PCDHB4: variants seen among roughly 807,000 people sequenced by gnomAD.
The protein encoded by PCDHB4 is protocadherin beta 4.
For missense variants in PCDHB4, 1,063 were observed against 1,007.0 expected (o/e 1.06, Z -0.75); for synonymous variants, 482 against 447.3 (o/e 1.08, Z -0.98).
chr5:141,123,794 C>A lies in PCDHB4; in HGVS notation c.1796C>A (p.Ala599Asp), dbSNP rs201831926. 18 of 1,609,914 alleles carry A rather than the reference C, an allele frequency of 1.1e-5. No individual in the cohort carries two copies. Among genetic ancestry groups the A allele is most frequent in the Non-Finnish European group, 2.5e-6 (3 of 1,179,694 alleles). ...GTGGACGGCGACTCGGGCCAGAACG[C>A]CTGGCTGTCGTACCAGCTGCTCAAG... ...VAVDGDSGQN[A>D]WLSYQLLKAT... Residue 599 changes from alanine (A) to aspartate (D), a missense_variant, in exon 1 of 1, where the codon GCC (alanine) becomes GAC (aspartate). Ala to Asp is a moderately radical substitution (Grantham distance 126). Coordinates refer to ENST00000194152, the MANE Select transcript of PCDHB4 (RefSeq NM_018938.4).
chr5:141,124,004 A>G lies in PCDHB4; in HGVS notation c.2006A>G (p.Tyr669Cys), dbSNP rs566976169. 1 of 1,604,010 alleles carries G rather than the reference A, an allele frequency of 6.2e-7. No individual in the cohort carries two copies. The highest frequency in any genetic ancestry group is 8.5e-7 in the Non-Finnish European group (1 of 1,179,648). The change falls in exon 1 of 1, where the codon TAC becomes TGC. Residue 669 changes from tyrosine to cysteine, a missense_variant. Coordinates refer to ENST00000194152, the MANE Select transcript of PCDHB4 (RefSeq NM_018938.4). ...VLLVDGFSQPYLPLPEAAPAQ... is the reference protein window; with the variant it reads ...VLLVDGFSQPCLPLPEAAPAQ... ...CTGGTGGATGGCTTCTCCCAGCCCT[A>G]CCTGCCTCTCCCTGAGGCGGCCCCG...
At position 141,124,293 on chromosome 5, in the gene PCDHB4, C is replaced by G; in HGVS notation, c.2295C>G (p.Phe765Leu). ...ACTCTGGGACTGGTGAGTTCAAGTT[C>G]CTGAAGCCAATATTTCCTAATCTCT... ...TGDSGTGEFKFLKPIFPNLLV... is the reference protein window; with the variant it reads ...TGDSGTGEFKLLKPIFPNLLV... The change falls in exon 1 of 1, where the codon TTC becomes TTG. Residue 765 changes from phenylalanine (F) to leucine (L), a missense_variant. Transcript: ENST00000194152. 1 of 1,614,160 alleles carries G rather than the reference C, an allele frequency of 6.2e-7. No individual in the cohort carries two copies. Among genetic ancestry groups the G allele is most frequent in the African/African-American group, 1.3e-5 (1 of 75,060 alleles).
At position 141,122,874 on chromosome 5, in the gene PCDHB4, A is replaced by G; in HGVS notation, c.876A>G (p.Ser292=). 1 of 1,613,678 alleles carries G rather than the reference A, an allele frequency of 6.2e-7. No individual in the cohort carries two copies. The highest frequency in any genetic ancestry group is 8.5e-7 in the Non-Finnish European group (1 of 1,179,906). Residue 292 remains serine, a synonymous_variant, in exon 1 of 1, where the codon TCA becomes TCG. Transcript: ENST00000194152. ...QASDEIKQTF[S]INEVTGEILL... ...CAGATGAAATTAAACAAACTTTCTC[A>G]ATAAATGAAGTCACGGGAGAAATAC...
In PCDHB4 at chr5:141,125,174, A is replaced by T. The variant is rs1289963632; in HGVS notation, c.*788A>T. 1.3e-5 allele frequency: 2 copies of T among 151,610 alleles called. No individual in the cohort carries two copies. Among genetic ancestry groups the T allele is most frequent in the South Asian group, 2.1e-4 (1 of 4,800 alleles). 9.4% of individuals were successfully genotyped at this position (151,610 alleles called of 1,614,324 possible). On this transcript the variant is annotated 3_prime_UTR_variant, in exon 1 of 1. Transcript: ENST00000194152. ...TTAAATCATGGCCTGATATCATCTT[A>T]AAAAAAAATCTCAGAATCTGAAATA...
In PCDHB4 at chr5:141,123,869, G is replaced by A. The variant is rs149487286; in HGVS notation, c.1871G>A (p.Arg624His). Residue 624 changes from arginine to histidine, a missense_variant, in exon 1 of 1, where the codon CGC becomes CAC. Arg to His is a conservative substitution (Grantham distance 29, BLOSUM62 0). Transcript: ENST00000194152. ...GTGTGGGCGCACAATGGCGAGGTGC[G>A]CACCGCCAGGCTGCTGAGCGAGCGC... ...FGVWAHNGEV[R>H]TARLLSERDA... 1.7e-5 allele frequency: 27 copies of A among 1,607,252 alleles called. No individual in the cohort carries two copies. Among genetic ancestry groups the A allele is most frequent in the Non-Finnish European group, 2.1e-5 (25 of 1,179,654 alleles).
chr5:141,122,834 G>T lies in PCDHB4; in HGVS notation c.836G>T (p.Gly279Val), dbSNP rs782644748. 1.2e-6 allele frequency: 2 copies of T among 1,613,836 alleles called. No homozygotes were observed. The highest frequency in any genetic ancestry group is 1.1e-5 in the South Asian group (1 of 91,062). ...GGAAACTTCGGGAGTGTTTCTTATG[G>T]CTTATTCCAAGCATCAGATGAAATT... ...DAGNFGSVSYGLFQASDEIKQ... is the reference protein window; with the variant it reads ...DAGNFGSVSYVLFQASDEIKQ... The change falls in exon 1 of 1, where the codon GGC becomes GTC. Residue 279 changes from glycine (G) to valine (V), a missense_variant. Physicochemically the swap from Gly to Val is moderately radical, Grantham distance 109. Coordinates refer to ENST00000194152, the MANE Select transcript of PCDHB4 (RefSeq NM_018938.4).
Position 141,124,562 on chromosome 5 carries a change from AT to A in PCDHB4, c.*181del. 2 of 546,854 alleles carry A rather than the reference AT, an allele frequency of 3.7e-6. No homozygotes were observed. The highest frequency in any genetic ancestry group is 3.4e-5 in the South Asian group (1 of 29,822). The allele number at this position is 546,854 out of a possible 1,614,324, so 33.9% of individuals were successfully genotyped here. A position where few individuals can be genotyped will look rare whatever the true frequency, so the allele number is the denominator to read the frequency against. On this transcript the variant is annotated 3_prime_UTR_variant, in exon 1 of 1. Coordinates refer to ENST00000194152, the MANE Select transcript of PCDHB4 (RefSeq NM_018938.4). ...TTTATTGTTATTAATTGCACTTAAC[AT>A]TTTTAGTTATACTGGATATTGAGTA...
rs1752389138 is a variant in PCDHB4 at position 141,125,133 on chromosome 5, T to C, written c.*747T>C. ...ATCTCATATAATTTGTCATAACCTTTCAATAAATAAAACTGTTAAATCATG... is the reference window on the plus strand; with the variant it reads ...ATCTCATATAATTTGTCATAACCTTCCAATAAATAAAACTGTTAAATCATG... On this transcript the variant is annotated 3_prime_UTR_variant, in exon 1 of 1. Transcript: ENST00000194152. 6.6e-6 allele frequency: 1 copy of C among 152,098 alleles called. No homozygotes were observed. The highest frequency in any genetic ancestry group is 2.4e-5 in the African/African-American group (1 of 41,444). The allele number at this position is 152,098 out of a possible 1,614,324, so 9.4% of individuals were successfully genotyped here.
chr5:141,122,859 TAAAC>T lies in PCDHB4; in HGVS notation c.866_869del (p.Gln289LeufsTer4), dbSNP rs782502927. 6.2e-6 allele frequency: 10 copies of T among 1,613,908 alleles called. No homozygotes were observed. Among genetic ancestry groups the T allele is most frequent in the Middle Eastern group, 1.6e-4 (1 of 6,062 alleles). On this transcript the variant is annotated frameshift_variant, in exon 1 of 1. Coordinates refer to ENST00000194152, the MANE Select transcript of PCDHB4 (RefSeq NM_018938.4). LOFTEE classifies it low-confidence loss of function (END_TRUNC). ...GCTTATTCCAAGCATCAGATGAAAT[TAAAC>T]AAACTTTCTCAATAAATGAAGTCAC...
Position 141,122,129 on chromosome 5 carries a change from T to A in PCDHB4, c.131T>A (p.Val44Glu). 2 of 1,614,204 alleles carry A rather than the reference T, an allele frequency of 1.2e-6. No individual in the cohort carries two copies. Among genetic ancestry groups the A allele is most frequent in the Non-Finnish European group, 1.7e-6 (2 of 1,180,040 alleles). Residue 44 changes from valine to glutamate, a missense_variant, in exon 1 of 1, where the codon GTA becomes GAA. Val to Glu is a moderately radical substitution (Grantham distance 121). Transcript: ENST00000194152. ...GAGGAAACAGAGAGCGGCTCCTTTG[T>A]AGCCCATCTGGCCAAGGATCTGGGC... ...VLEETESGSFVAHLAKDLGLG... is the reference protein window; with the variant it reads ...VLEETESGSFEAHLAKDLGLG...
rs782166981 is a variant in PCDHB4 at position 141,123,981 on chromosome 5, G to T, written c.1983G>T (p.Leu661=). Residue 661 remains leucine, a synonymous_variant, in exon 1 of 1, where the codon CTG becomes CTT. Coordinates refer to ENST00000194152, the MANE Select transcript of PCDHB4 (RefSeq NM_018938.4). ...RSATATLHVL[L]VDGFSQPYLP... is the part of the protein sequence containing the mutation. ...CCACCGCCACGCTGCACGTGCTCCTGGTGGATGGCTTCTCCCAGCCCTACC... is the reference window on the plus strand; with the variant it reads ...CCACCGCCACGCTGCACGTGCTCCTTGTGGATGGCTTCTCCCAGCCCTACC... The T allele has an allele frequency of 6.2e-7, 1 of 1,604,668 alleles. No homozygotes were observed.
At position 141,123,777 on chromosome 5, in the gene PCDHB4, C is replaced by T. The variant is rs201196135; in HGVS notation, c.1779C>T (p.Gly593=). Residue 593 remains glycine, a synonymous_variant, in exon 1 of 1, where the codon GGC becomes GGT. Coordinates refer to ENST00000194152, the MANE Select transcript of PCDHB4 (RefSeq NM_018938.4). ...TGACCAAGGTGGTGGCGGTGGACGG[C>T]GACTCGGGCCAGAACGCCTGGCTGT... is the stretch of plus-strand genomic sequence containing the variant. ...YLVTKVVAVD[G]DSGQNAWLSY... The T allele has an allele frequency of 6.4e-5, 103 of 1,609,930 alleles. No homozygotes were observed. The highest frequency in any genetic ancestry group is 4.4e-4 in the Middle Eastern group (2 of 4,526).
rs1752307575 is a variant in PCDHB4 at position 141,122,554 on chromosome 5, G to T, written c.556G>T (p.Glu186Ter). The T allele has an allele frequency of 6.2e-7, 1 of 1,614,220 alleles. No individual in the cohort carries two copies. Among genetic ancestry groups the T allele is most frequent in the Non-Finnish European group, 8.5e-7 (1 of 1,180,040 alleles). ...HFHILTRNHSEGKKYPDLVQD... is the reference protein window; with the variant it reads ...HFHILTRNHS ...TCACATTCTCACTCGAAATCATAGT[G>T]AGGGCAAGAAATACCCAGATTTGGT... The change falls in exon 1 of 1, where the codon GAG becomes TAG. Residue 186 changes from glutamate (E) to a stop codon, truncating the protein, a stop_gained. Transcript: ENST00000194152. LOFTEE classifies it low-confidence loss of function (END_TRUNC).
rs1752287301 is a variant in PCDHB4 at position 141,121,848 on chromosome 5, T to C, written c.-151T>C. ...GAAGAAGCGTTACAAGCAGTGCAGG[T>C]TTACCAACGGCTTGGGGCAGCGATA... On this transcript the variant is annotated 5_prime_UTR_variant, in exon 1 of 1. Coordinates refer to ENST00000194152, the MANE Select transcript of PCDHB4 (RefSeq NM_018938.4). The C allele has an allele frequency of 1.7e-6, 1 of 594,220 alleles. No individual in the cohort carries two copies. Among genetic ancestry groups the C allele is most frequent in the Non-Finnish European group, 3.0e-6 (1 of 336,062 alleles). The allele number at this position is 594,220 out of a possible 1,614,324, so 36.8% of individuals were successfully genotyped here. A position where few individuals can be genotyped will look rare whatever the true frequency, so the allele number is the denominator to read the frequency against.
Position 141,122,438 on chromosome 5 carries a change from C to G in PCDHB4, c.440C>G (p.Pro147Arg). ...TTGAAAATACTAGAAAATAGCCAGC[C>G]GGGTACTCTATTTCCGTTGCTAATA... ...VLLKILENSQ[P>R]GTLFPLLIAE... Residue 147 changes from proline (P) to arginine (R), a missense_variant, in exon 1 of 1, where the codon CCG becomes CGG. Pro to Arg is a moderately radical substitution (Grantham distance 103, BLOSUM62 -2). Coordinates refer to ENST00000194152, the MANE Select transcript of PCDHB4 (RefSeq NM_018938.4). 1 of 1,614,178 alleles carries G rather than the reference C, an allele frequency of 6.2e-7. No homozygotes were observed. Among genetic ancestry groups the G allele is most frequent in the South Asian group, 1.1e-5 (1 of 91,080 alleles).
In PCDHB4 at chr5:141,123,087, A is replaced by G; in HGVS notation, c.1089A>G (p.Val363=). The G allele has an allele frequency of 1.2e-6, 2 of 1,613,644 alleles. No homozygotes were observed. Among genetic ancestry groups the G allele is most frequent in the Non-Finnish European group, 1.7e-6 (2 of 1,179,692 alleles). ...TCCCAGAAAATGCTCCTGAGACGGT[A>G]GTCTCTATCTTCCGAATTCGAGATA... is the stretch of plus-strand genomic sequence containing the variant. ...SSIPENAPET[V]VSIFRIRDRD... Residue 363 remains valine, a synonymous_variant, in exon 1 of 1, where the codon GTA becomes GTG. Coordinates refer to ENST00000194152, the MANE Select transcript of PCDHB4 (RefSeq NM_018938.4).
rs782673761 is a variant in PCDHB4, at chr5:141,123,473, C to T, written c.1475C>T (p.Pro492Leu). ...NAQVTYSLLP[P>L]QDPHLPLASL... ...CAGGTCACCTACTCGCTGCTGCCGC[C>T]CCAGGACCCGCACCTGCCCCTCGCC... Residue 492 changes from proline (P) to leucine (L), a missense_variant, in exon 1 of 1, where the codon CCC becomes CTC. By Grantham distance (98) the Pro-to-Leu change is moderately conservative (BLOSUM62 -3). Coordinates refer to ENST00000194152, the MANE Select transcript of PCDHB4 (RefSeq NM_018938.4). 1 of 1,613,172 alleles carries T rather than the reference C, an allele frequency of 6.2e-7. No homozygotes were observed. Among genetic ancestry groups the T allele is most frequent in the African/African-American group, 1.3e-5 (1 of 74,924 alleles).
chr5:141,123,624 C>T lies in PCDHB4; in HGVS notation c.1626C>T (p.Ser542=), dbSNP rs1302841758. ...ASDRGSPALS[S]EALVRVLVLD... Reference sequence around the variant, plus strand: ...ACCGCGGTTCTCCGGCTTTGAGCAGCGAGGCGCTGGTGCGCGTGCTGGTGC... The same window carrying T: ...ACCGCGGTTCTCCGGCTTTGAGCAGTGAGGCGCTGGTGCGCGTGCTGGTGC... Residue 542 remains serine (S), a synonymous_variant, in exon 1 of 1, where the codon AGC becomes AGT. Coordinates refer to ENST00000194152, the MANE Select transcript of PCDHB4 (RefSeq NM_018938.4). 4.3e-6 allele frequency: 7 copies of T among 1,611,912 alleles called. No homozygotes were observed. The highest frequency in any genetic ancestry group is 1.7e-5 in the Admixed American group (1 of 59,996).
Position 141,124,693 on chromosome 5 carries a change from A to G in PCDHB4, c.*307A>G, listed in dbSNP as rs1234192498. 1.9e-5 allele frequency: 4 copies of G among 208,016 alleles called. No homozygotes were observed. The highest frequency in any genetic ancestry group is 2.9e-5 in the Non-Finnish European group (3 of 104,762). 12.9% of individuals were successfully genotyped at this position (208,016 alleles called of 1,614,324 possible). A position where few individuals can be genotyped will look rare whatever the true frequency, so the allele number is the denominator to read the frequency against. ...ATGTTTTAATGAAATTCTTAAATTA[A>G]CATCTTTTTAATGGAACATTTAAGT... On this transcript the variant is annotated 3_prime_UTR_variant, in exon 1 of 1. Transcript: ENST00000194152.
Sources: gnomAD v4.1 joint callset for allele counts on GRCh38, gnomAD v4.1.1 for gene constraint, MANE v1.5 for transcripts, NCBI Gene and HGNC (gene_info 2026-07-23, HGNC 2026-07-21) for gene names.